Variants in IGSF9 observed in about 807,000 individuals in gnomAD.
IGSF9 encodes immunoglobulin superfamily member 9.
A neutral mutation model predicts 121.7 loss-of-function variants in IGSF9; 87 were observed. That is an observed-to-expected ratio of 0.71 (90% CI 0.60 to 0.85). The LOEUF (loss-of-function observed/expected upper bound fraction) is 0.85. Among genes scored for constraint, IGSF9 ranks in the 40% least tolerant of loss-of-function variants. IGSF9 has a pLI of 0.00. For synonymous variants in IGSF9, 640 were observed against 648.4 expected (o/e 0.99, Z 0.20); for missense variants, 1,462 against 1,565.3 (o/e 0.93, Z 1.11).
Position 159,927,754 on chromosome 1 carries a change from A to G in IGSF9, c.3358+6T>C, listed in dbSNP as rs745318864. ...AGATGCCTGCCTTTCCGGGGGGCTC[A>G]CACACCTAGCTCTGGCTCAGCTTCA... is the stretch of plus-strand genomic sequence containing the variant. On this transcript the variant is annotated splice_donor_region_variant and intron_variant, in intron 20 of 20. Coordinates refer to ENST00000368094, the MANE Select transcript of IGSF9 (RefSeq NM_001135050.2). The G allele has an allele frequency of 3.7e-6, 6 of 1,611,802 alleles. No homozygotes were observed. The highest frequency in any genetic ancestry group is 1.7e-5 in the Admixed American group (1 of 59,458).
Position 159,932,538 on chromosome 1 carries a change from A to G in IGSF9, c.1219T>C (p.Ser407Pro). The G allele has an allele frequency of 6.2e-7, 1 of 1,613,852 alleles. No individual in the cohort carries two copies. The change falls in exon 10 of 21, where the codon TCT becomes CCT. Residue 407 changes from serine to proline, a missense_variant. By Grantham distance (74) the Ser-to-Pro change is moderately conservative. Transcript: ENST00000368094. This position sits in a 1 kb window ranked among gnomAD's most constrained non-coding sequence, Gnocchi z 4.1. ...PYNSLGTAGP[S>P]PVTRVLLKAP... ...TTGAGCAGCACGCGGGTCACAGGAG[A>G]GGGCCCGGCGGTACCAAGACTGTTG...
At chr1:159,935,487 G>A (rs747677708) in intron 6 of IGSF9, among the ~76,000 whole-genome samples, 5 of 152,124 alleles carry the variant, frequency 3.3e-5, no homozygotes, top group African/African-American at 4.8e-5. Flanking sequence ...CTGCACCCCC[G>A]GTCTGGAATG....
rs1208392615 is a variant in IGSF9, at chr1:159,929,789, C to T, written c.2175G>A (p.Thr725=). The part of the protein sequence containing the change: ...TSGLEVYPSR[T]QLPGLLPQPV... The stretch of plus-strand genomic sequence containing the variant: ...GCTGAGGCAGGAGGCCCGGCAGCTG[C>T]GTGCGCGAAGGGTAGACCTCCAGAC... The change falls in exon 17 of 21, where the codon ACG becomes ACA. Residue 725 remains threonine (T), a synonymous_variant. Transcript: ENST00000368094. The T allele has an allele frequency of 1.2e-6, 2 of 1,605,932 alleles. No individual in the cohort carries two copies. Among genetic ancestry groups the T allele is most frequent in the East Asian group, 2.2e-5 (1 of 44,500 alleles).
rs201121538 is a variant in IGSF9, at chr1:159,936,531, G to A, written c.556-15C>T. 35 of 1,611,338 alleles carry A rather than the reference G, an allele frequency of 2.2e-5. No homozygotes were observed. The East Asian group carries it at 7.4e-4, about 34-fold the overall frequency. On this transcript the variant is annotated splice_polypyrimidine_tract_variant and intron_variant, in intron 5 of 20. Transcript: ENST00000368094. ...CCGTTCTGCACCTAGGGAAGGAGTGGGTGAGGAAGAGTCCTTTCCCCTGCC... is the reference window on the plus strand; with the variant it reads ...CCGTTCTGCACCTAGGGAAGGAGTGAGTGAGGAAGAGTCCTTTCCCCTGCC...
chr1:159,942,187 T>G (rs1441901918), intron 3 of IGSF9, among the ~76,000 whole-genome samples: 2 of 152,198 alleles, frequency 1.3e-5, no homozygotes, highest in Non-Finnish European at 2.9e-5. Context: ...ACCGCTTAGA[T>G]TAAGGCTCCA....
intron 17 of IGSF9, 81 bp from the exon 18 acceptor site, chr1:159,929,474 C>A: frequency 6.5e-7 from 1 of 1,545,766 alleles, no homozygotes; most frequent in Non-Finnish European, 8.9e-7. Flanking sequence ...CAACACCAGG[C>A]GCCCAACCCC....
intron 17 of IGSF9, 24 bp downstream of exon 17, chr1:159,929,614 A>T: frequency 6.3e-7 from 1 of 1,584,568 alleles, no homozygotes; most frequent in Non-Finnish European, 8.6e-7. Flanking sequence ...GCGCAGTAGC[A>T]GGGCTGAGGG....
At chr1:159,944,191 G>A (rs534347270) in intron 1 of IGSF9, among the ~76,000 whole-genome samples, 21 of 152,076 alleles carry the variant, frequency 1.4e-4, no homozygotes, top group Non-Finnish European at 1.0e-4. Context: ...TCAGAAAGTG[G>A]TCCCCAGGAC....
At chr1:159,941,116 A>G (rs1651361271) in intron 3 of IGSF9, among the ~76,000 whole-genome samples, 1 of 145,512 alleles carries the variant, frequency 6.9e-6, no homozygotes, top group East Asian at 1.9e-4. Flanking sequence ...AGATGCTTCT[A>G]GAGTCCTCAA....
rs1557932456 is a variant in IGSF9, at chr1:159,931,266, G to T, written c.1514-5C>A. 6.2e-7 allele frequency: 1 copy of T among 1,614,096 alleles called. No individual in the cohort carries two copies. On this transcript the variant is annotated splice_polypyrimidine_tract_variant and splice_region_variant and intron_variant, in intron 12 of 20. Coordinates refer to ENST00000368094, the MANE Select transcript of IGSF9 (RefSeq NM_001135050.2). The surrounding 1 kb of genome is among the most constrained non-coding windows in gnomAD (Gnocchi z 4.8). ...TGACAACATGAGGGCTAGTGCCTAG[G>T]CAGGGGGGAATGGAGGGATGGTGGT...
In IGSF9 at chr1:159,927,126, A is replaced by G; in HGVS notation, c.*219T>C. ...GAGAGAGAGAGAGAGAGAGAGAGAG[A>G]GAGAGGCAGACCTAAGATCCCTGTT... On this transcript the variant is annotated 3_prime_UTR_variant, in exon 21 of 21. Coordinates refer to ENST00000368094, the MANE Select transcript of IGSF9 (RefSeq NM_001135050.2). The G allele has an allele frequency of 1.7e-6, 1 of 596,326 alleles. No individual in the cohort carries two copies. The highest frequency in any genetic ancestry group is 3.0e-6 in the Non-Finnish European group (1 of 334,718). 36.9% of individuals were successfully genotyped at this position (596,326 alleles called of 1,614,324 possible).
Position 159,928,548 on chromosome 1 carries a change from G to T in IGSF9, c.2840C>A (p.Pro947His), listed in dbSNP as rs1441872379. 1.3e-6 allele frequency: 2 copies of T among 1,549,158 alleles called. No individual in the cohort carries two copies. Among genetic ancestry groups the T allele is most frequent in the South Asian group, 2.5e-5 (2 of 81,336 alleles). ...GTAATCTGGGGGTGCAGCAGGGCTG[G>T]GCTCCTCAAGCGGGGGCCAGTCCCC... ...VDGDWPPLEE[P>H]SPAAPPDYMD... The change falls in exon 19 of 21, where the codon CCC becomes CAC. Residue 947 changes from proline (P) to histidine (H), a missense_variant. This residue lies in a region of IGSF9 where 808 missense variants were observed against 815.2 expected (regional missense o/e 0.99). Coordinates refer to ENST00000368094, the MANE Select transcript of IGSF9 (RefSeq NM_001135050.2).
chr1:159,941,414 C>T (rs947660239), intron 3 of IGSF9, among the ~76,000 whole-genome samples: 9 of 152,232 alleles, frequency 5.9e-5, no homozygotes, highest in East Asian at 1.9e-4. Context: ...CTCCCTCAGC[C>T]GGCTCTGGCC....
In IGSF9 at chr1:159,934,572, T is replaced by C; in HGVS notation, c.816-2A>G. The C allele has an allele frequency of 6.2e-7, 1 of 1,613,716 alleles. No individual in the cohort carries two copies. The highest frequency in any genetic ancestry group is 8.5e-7 in the Non-Finnish European group (1 of 1,179,732). ...ATCCGCACCCGGGGCTGCAGGCGGC[T>C]GCAATGTGGCATGTGTGAGGAGGGG... On this transcript the variant is annotated splice_acceptor_variant, in intron 7 of 20. Coordinates refer to ENST00000368094, the MANE Select transcript of IGSF9 (RefSeq NM_001135050.2). LOFTEE classifies it high-confidence loss of function.
At position 159,929,912 on chromosome 1, in the gene IGSF9, T is replaced by A. The variant is rs1454953805; in HGVS notation, c.2128A>T (p.Thr710Ser). Residue 710 changes from threonine to serine, a missense_variant, in exon 16 of 21, where the codon ACG becomes TCG. Transcript: ENST00000368094. Reference protein sequence around the residue: ...AGSFVSDPSNTANVSTSGLEV... With the variant: ...AGSFVSDPSNSANVSTSGLEV... The stretch of plus-strand genomic sequence containing the variant: ...TCACCGGAAGTGGAGACGTTGGCCG[T>A]GTTGCTGGGGTCGCTGACGAAGCTG... 3.2e-6 allele frequency: 5 copies of A among 1,576,782 alleles called. No homozygotes were observed. The East Asian group carries it at 1.2e-4, about 37-fold the overall frequency.
chr1:159,927,130 A>G lies in IGSF9; in HGVS notation c.*215T>C, dbSNP rs1173650600. ...GAGAGAGAGAGAGAGAGAGAGAGAG[A>G]GGCAGACCTAAGATCCCTGTTCCAA... On this transcript the variant is annotated 3_prime_UTR_variant, in exon 21 of 21. Coordinates refer to ENST00000368094, the MANE Select transcript of IGSF9 (RefSeq NM_001135050.2). The G allele has an allele frequency of 5.1e-6, 3 of 585,216 alleles. No individual in the cohort carries two copies. Among genetic ancestry groups the G allele is most frequent in the Non-Finnish European group, 3.0e-6 (1 of 328,836 alleles). 36.3% of individuals were successfully genotyped at this position (585,216 alleles called of 1,614,324 possible).
Position 159,938,637 on chromosome 1 carries a change from T to C in IGSF9, c.248-799A>G, listed in dbSNP as rs192747229. Among the ~76,000 whole-genome samples, 388 of 152,314 alleles carry C rather than the reference T, an allele frequency of 2.5e-3. 4 individuals carry two copies. The highest frequency in any genetic ancestry group is 9.0e-3 in the African/African-American group (373 of 41,562). On this transcript the variant is annotated intron_variant, in intron 3 of 20. Coordinates refer to ENST00000368094, the MANE Select transcript of IGSF9 (RefSeq NM_001135050.2). ...AGACAGCTTCATGGGTCCCTGGCAG[T>C]GTAGCCTCGTGATACAAGCACACAC... is the stretch of plus-strand genomic sequence containing the variant.
Position 159,932,637 on chromosome 1 carries a change from G to A in IGSF9, c.1120C>T (p.Gln374Ter), listed in dbSNP as rs201124178. 27 of 1,612,360 alleles carry A rather than the reference G, an allele frequency of 1.7e-5. No homozygotes were observed. The highest frequency in any genetic ancestry group is 2.2e-5 in the Non-Finnish European group (26 of 1,178,922). Residue 374 changes from glutamine to a stop codon, truncating the protein, a stop_gained, in exon 10 of 21, where the codon CAG becomes TAG. Coordinates refer to ENST00000368094, the MANE Select transcript of IGSF9 (RefSeq NM_001135050.2). LOFTEE classifies it high-confidence loss of function. The surrounding 1 kb of genome is among the most constrained non-coding windows in gnomAD (Gnocchi z 4.1). ...LQLDKFPGWS[Q>*]GTEGSLIIAL... is the part of the protein sequence containing the mutation. ...ATGATCAGTGAGCCTTCTGTGCCCT[G>A]GGACCAGCCAGGGAACTGGAAGGAA... is the stretch of plus-strand genomic sequence containing the variant.
intron 3 of IGSF9, 95 bp from the exon 4 acceptor site, chr1:159,937,933 C>T: frequency 7.6e-7 from 1 of 1,322,238 alleles, no homozygotes; most frequent in Non-Finnish European, 1.0e-6. Flanking sequence ...TAAGAACAGG[C>T]TCAGTCTCTC....
Sources: allele counts gnomAD v4.1 joint callset (sites outside exome capture counted in the v4.1 genomes callset), GRCh38; gene constraint gnomAD v4.1.1; regional missense constraint gnomAD v4.1.1; non-coding constraint Gnocchi (gnomAD v3.1); transcripts MANE v1.5; gene names NCBI Gene and HGNC (gene_info 2026-07-23, HGNC 2026-07-21).